DCC: variants seen among roughly 807,000 people sequenced by gnomAD.
DCC encodes the protein DCC netrin 1 receptor.
In DCC, 58 loss-of-function variants were observed where a neutral mutation model predicts 172.5. That is an observed-to-expected ratio of 0.34 (90% CI 0.27 to 0.42). DCC has a LOEUF of 0.42. Ranked by LOEUF, DCC falls within the 10% of genes least tolerant of loss-of-function variation. DCC has a pLI of 1.00. For synonymous variants in DCC, 709 were observed against 644.5 expected (o/e 1.10, Z -1.52); for missense variants, 1,740 against 1,791.0 (o/e 0.97, Z 0.51).
At chr18:53,181,409 TTC>T (rs1348132608) in intron 9 of DCC, among the ~76,000 whole-genome samples, 1 of 145,732 alleles carries the variant, frequency 6.9e-6, no homozygotes, top group African/African-American at 2.7e-5. Flanking sequence ...AAAATTTTAC[TTC>T]TTTTTTTTTT....
intron 1 of DCC, among the ~76,000 whole-genome samples, chr18:52,412,721 G>A (rs1568158188): frequency 6.6e-6 from 1 of 152,074 alleles, no homozygotes; most frequent in Admixed American, 6.6e-5. Context: ...TTCTCATTCT[G>A]ATGGCATCTC....
intron 1 of DCC, among the ~76,000 whole-genome samples, chr18:52,632,710 C>T (rs1015856167): frequency 3.9e-5 from 6 of 152,142 alleles, no homozygotes; most frequent in East Asian, 1.9e-4. Flanking sequence ...TGTGGTTTCA[C>T]GCTCCTATTT....
rs534156592 is a variant in DCC, at chr18:52,695,745, G to A, written c.92-56309G>A. Among the ~76,000 whole-genome samples the A allele has an allele frequency of 3.9e-5, 6 of 152,264 alleles. No individual in the cohort carries two copies. The South Asian group carries it at 1.0e-3, about 26-fold the overall frequency. On this transcript the variant is annotated intron_variant, in intron 1 of 28. Transcript: ENST00000442544. ...TGTGTTAAATGGATTTTCAAGAAAG[G>A]TTCTTCTCCAGCCAGGGCTTCTACC...
intron 12 of DCC, among the ~76,000 whole-genome samples, chr18:53,301,238 C>A (rs112075311): frequency 2.0e-5 from 3 of 151,506 alleles, no homozygotes; most frequent in South Asian, 2.1e-4. Flanking sequence ...TACAGGCATG[C>A]GCTACCACGC....
intron 15 of DCC, 75 bp downstream of exon 15, chr18:53,339,982 A>T: frequency 7.3e-7 from 1 of 1,372,364 alleles, no homozygotes; most frequent in Non-Finnish European, 1.0e-6. Flanking sequence ...TTTCTTGGAA[A>T]ACTGTTCCCT....
At chr18:52,644,681 A>G (rs1165898173) in intron 1 of DCC, among the ~76,000 whole-genome samples, 2 of 151,536 alleles carry the variant, frequency 1.3e-5, no homozygotes, top group African/African-American at 2.4e-5. Context: ...CTTGAGCCCA[A>G]GAGTTTGAGG....
intron 1 of DCC, among the ~76,000 whole-genome samples, chr18:52,647,085 T>C (rs114376437): frequency 0.013 from 1,910 of 152,272 alleles, 46 homozygotes; most frequent in African/African-American, 0.044. Flanking sequence ...CAAATACATG[T>C]TCTTTAACAC....
chr18:52,734,161 T>A (rs2145099401), intron 1 of DCC, among the ~76,000 whole-genome samples: 1 of 152,200 alleles, frequency 6.6e-6, no homozygotes, highest in South Asian at 2.1e-4. Flanking sequence ...TTTTTAAACT[T>A]CCATGGGTAC....
At chr18:52,719,438 C>T (rs1163552267) in intron 1 of DCC, among the ~76,000 whole-genome samples, 1 of 152,026 alleles carries the variant, frequency 6.6e-6, no homozygotes, top group East Asian at 1.9e-4. Context: ...AGGGTGAGGG[C>T]TCCGACGGGG....
intron 15 of DCC, among the ~76,000 whole-genome samples, chr18:53,382,677 C>G (rs562630635): frequency 6.6e-6 from 1 of 152,212 alleles, no homozygotes; most frequent in African/African-American, 2.4e-5. Context: ...GCATTTAACA[C>G]TTGTTGATTG....
At chr18:52,828,719 A>T (rs1188501868) in intron 2 of DCC, among the ~76,000 whole-genome samples, 1 of 152,158 alleles carries the variant, frequency 6.6e-6, no homozygotes, top group African/African-American at 2.4e-5. Flanking sequence ...AAATGTAGAA[A>T]ATCTAGTGTT....
chr18:52,945,186 G>T (rs191451022), intron 5 of DCC, among the ~76,000 whole-genome samples: 1 of 152,146 alleles, frequency 6.6e-6, no homozygotes, highest in East Asian at 1.9e-4. Context: ...CTCTGTTGCT[G>T]GTGCTATTGT....
intron 2 of DCC, among the ~76,000 whole-genome samples, chr18:52,784,893 C>A (rs2037624420): frequency 7.6e-6 from 1 of 132,346 alleles, no homozygotes; most frequent in African/African-American, 3.0e-5. Context: ...AGAGCAGGTC[C>A]TAGGGAGGTG....
chr18:52,895,095 G>A (rs1245200914), intron 2 of DCC, among the ~76,000 whole-genome samples: 1 of 152,178 alleles, frequency 6.6e-6, no homozygotes, highest in Non-Finnish European at 1.5e-5. Flanking sequence ...TAGGGAAAGG[G>A]TGGTGACAGT....
At chr18:53,353,266 C>T (rs547768090) in intron 15 of DCC, among the ~76,000 whole-genome samples, 1 of 143,760 alleles carries the variant, frequency 7.0e-6, no homozygotes, top group Admixed American at 7.0e-5. Context: ...AAGAGTGAAA[C>T]TCCACTTGAG....
chr18:53,195,603 G>T (rs888903008), intron 9 of DCC, among the ~76,000 whole-genome samples: 5 of 152,068 alleles, frequency 3.3e-5, no homozygotes, highest in African/African-American at 1.2e-4. Flanking sequence ...GTATAGGGTC[G>T]TTTTTGTCTC....
At position 53,215,597 on chromosome 18, in the gene DCC, A is replaced by T; in HGVS notation, c.1911A>T (p.Arg637Ser). The change falls in exon 12 of 29, where the codon AGA (arginine) becomes AGT (serine). Residue 637 changes from arginine (R) to serine (S), a missense_variant and splice_region_variant. Transcript: ENST00000442544. ...QNVSLEVVNS[R>S]SIKVSWLPPP... ...TCTCCCTGGAAGTGGTCAATTCAAGAGTAAGTTGGCTAAATGTTCACTACT... is the reference window on the plus strand; with the variant it reads ...TCTCCCTGGAAGTGGTCAATTCAAGTGTAAGTTGGCTAAATGTTCACTACT... The T allele has an allele frequency of 6.2e-7, 1 of 1,612,908 alleles. No homozygotes were observed. Among genetic ancestry groups the T allele is most frequent in the Non-Finnish European group, 8.5e-7 (1 of 1,178,944 alleles).
chr18:52,983,574 T>C (rs942961708), intron 5 of DCC, among the ~76,000 whole-genome samples: 3 of 152,164 alleles, frequency 2.0e-5, no homozygotes, highest in African/African-American at 7.2e-5. Flanking sequence ...TGTGGTGATA[T>C]TGAAATGCAC....
chr18:53,064,700 G>A (rs1163597298), intron 6 of DCC, among the ~76,000 whole-genome samples: 1 of 152,090 alleles, frequency 6.6e-6, no homozygotes, highest in African/African-American at 2.4e-5. Context: ...AGTTGCATTT[G>A]TTTAATTGGT....
Sources: gnomAD v4.1 joint callset for allele counts (sites outside exome capture counted in the v4.1 genomes callset) on GRCh38, gnomAD v4.1.1 for gene constraint, MANE v1.5 for transcripts, NCBI Gene and HGNC (gene_info 2026-07-23, HGNC 2026-07-21) for gene names.